Variants in CMSS1 observed in about 807,000 individuals in gnomAD.
CMSS1 encodes the protein cms1 ribosomal small subunit homolog, also known as protein CMSS1.
In CMSS1, 33 loss-of-function variants were observed where a neutral mutation model predicts 43.5. The ratio of observed to expected loss-of-function variants is 0.76; its 90% CI spans 0.57 to 1.01. The LOEUF (loss-of-function observed/expected upper bound fraction) is 1.01, where lower values mean the gene tolerates loss of function less well. Among genes scored for constraint, CMSS1 ranks in the 50% least tolerant of loss-of-function variants. CMSS1 has a pLI of 0.00. For missense variants in CMSS1, 313 were observed against 326.4 expected (o/e 0.96, Z 0.32); for synonymous variants, 115 against 117.2 (o/e 0.98, Z 0.12).
intron 1 of CMSS1, among the ~76,000 whole-genome samples, chr3:99,829,518 T>G (rs1411746296): frequency 6.6e-6 from 1 of 152,236 alleles, no homozygotes; most frequent in Non-Finnish European, 1.5e-5. Flanking sequence ...AGGAATTATT[T>G]CACTTTCCTG....
At chr3:100,165,374 A>G (rs1345511725) in intron 4 of CMSS1, among the ~76,000 whole-genome samples, 1 of 152,092 alleles carries the variant, frequency 6.6e-6, no homozygotes, top group Non-Finnish European at 1.5e-5. Context: ...ATTTTGAGAC[A>G]TTATTCTCAT....
At chr3:99,992,032 A>G (rs544959773) in intron 1 of CMSS1, among the ~76,000 whole-genome samples, 18 of 150,010 alleles carry the variant, frequency 1.2e-4, no homozygotes, top group African/African-American at 4.2e-4. Flanking sequence ...ATATACGTGT[A>G]TATATATATA....
chr3:100,155,751 AT>A (rs1447411362), intron 2 of CMSS1, among the ~76,000 whole-genome samples: 3 of 152,188 alleles, frequency 2.0e-5, no homozygotes, highest in African/African-American at 7.2e-5. Flanking sequence ...CTTACACTTG[AT>A]TGATACTTTG....
At chr3:99,965,174 C>T (rs1708612140) in intron 1 of CMSS1, among the ~76,000 whole-genome samples, 1 of 152,172 alleles carries the variant, frequency 6.6e-6, no homozygotes, top group Non-Finnish European at 1.5e-5. Flanking sequence ...CACTTAGTCC[C>T]CACTGTGAGA....
chr3:99,967,013 T>G (rs929370688), intron 1 of CMSS1, among the ~76,000 whole-genome samples: 1 of 152,158 alleles, frequency 6.6e-6, no homozygotes, highest in Non-Finnish European at 1.5e-5. Context: ...CATTCTCTTT[T>G]GGATCCCTAT....
intron 1 of CMSS1, among the ~76,000 whole-genome samples, chr3:99,856,954 T>C (rs1040320190): frequency 6.6e-6 from 1 of 152,210 alleles, no homozygotes; most frequent in African/African-American, 2.4e-5. Context: ...CTTTTGATTT[T>C]ATCTTATTTT....
In CMSS1 at chr3:99,952,387, T is replaced by G. The variant is rs530836095; in HGVS notation, c.64+134344T>G. Among the ~76,000 whole-genome samples, 3 of 152,282 alleles carry G rather than the reference T, an allele frequency of 2.0e-5. No homozygotes were observed. The South Asian group carries it at 6.2e-4, about 32-fold the overall frequency. Reference sequence around the variant, plus strand: ...AGCTGTTCTTCTGCCAGTCATTATGTCTGTTCAAGTTGAGGAAACAGAATA... The same window carrying G: ...AGCTGTTCTTCTGCCAGTCATTATGGCTGTTCAAGTTGAGGAAACAGAATA... On this transcript the variant is annotated intron_variant, in intron 1 of 9. Transcript: ENST00000421999.
chr3:100,003,219 A>AT (rs1408419468), intron 1 of CMSS1, among the ~76,000 whole-genome samples: 2 of 152,212 alleles, frequency 1.3e-5, no homozygotes, highest in African/African-American at 4.8e-5. Context: ...AGTGGACTTC[A>AT]TACCAATGAC....
At chr3:100,004,117 T>C (rs1709920756) in intron 1 of CMSS1, among the ~76,000 whole-genome samples, 1 of 152,196 alleles carries the variant, frequency 6.6e-6, no homozygotes, top group African/African-American at 2.4e-5. Context: ...AGTATTGGCT[T>C]CCTGCATGAT....
intron 1 of CMSS1, among the ~76,000 whole-genome samples, chr3:100,018,105 G>A (rs1710398145): frequency 6.6e-6 from 1 of 152,196 alleles, no homozygotes; most frequent in East Asian, 1.9e-4. Context: ...GAGGCGGGCA[G>A]ATCACCAGGT....
At chr3:99,842,620 A>G (rs1943186069) in intron 1 of CMSS1, among the ~76,000 whole-genome samples, 1 of 152,198 alleles carries the variant, frequency 6.6e-6, no homozygotes, top group South Asian at 2.1e-4. Context: ...CAGTTTTTCA[A>G]AATATTGCCT....
At chr3:100,155,436 A>G (rs2066962911) in intron 2 of CMSS1, among the ~76,000 whole-genome samples, 2 of 152,218 alleles carry the variant, frequency 1.3e-5, no homozygotes, top group African/African-American at 4.8e-5. Context: ...ATTCCCATGA[A>G]TAATATTTTC....
chr3:100,125,600 C>T (rs1416645579), intron 1 of CMSS1, among the ~76,000 whole-genome samples: 1 of 152,172 alleles, frequency 6.6e-6, no homozygotes, highest in African/African-American at 2.4e-5. Flanking sequence ...TGACATAACA[C>T]CTTAGCTGTG....
At chr3:99,958,773 G>A (rs1478555798) in intron 1 of CMSS1, among the ~76,000 whole-genome samples, 1 of 152,140 alleles carries the variant, frequency 6.6e-6, no homozygotes, top group Non-Finnish European at 1.5e-5. Context: ...GTTTTGGAGA[G>A]GCTGGTGATG....
rs1162576919 is a variant in CMSS1, at chr3:100,030,509, C to A, written c.65-116464C>A. Reference sequence around the variant, plus strand: ...TGCTCATTCTCATTCATGCATGTCTCATCTACTCTAGTCTTTTCTCAGAAC... The same window carrying A: ...TGCTCATTCTCATTCATGCATGTCTAATCTACTCTAGTCTTTTCTCAGAAC... On this transcript the variant is annotated intron_variant, in intron 1 of 9. Transcript: ENST00000421999. Among the ~76,000 whole-genome samples, 6 of 152,170 alleles carry A rather than the reference C, an allele frequency of 3.9e-5. No individual in the cohort carries two copies. In the East Asian group the frequency reaches 1.2e-3, roughly 29 times the overall value.
intron 1 of CMSS1, among the ~76,000 whole-genome samples, chr3:100,074,612 T>C (rs1278489765): frequency 4.6e-5 from 7 of 150,904 alleles, no homozygotes; most frequent in African/African-American, 1.7e-4. Context: ...AATACATCTT[T>C]CTGTTGAAGT....
At chr3:100,178,141 TA>T (rs1249745434) in intron 9 of CMSS1, among the ~76,000 whole-genome samples, 163 bp from the exon 10 acceptor site, 2 of 152,114 alleles carry the variant, frequency 1.3e-5, no homozygotes, top group East Asian at 3.8e-4. Flanking sequence ...ATAATAATTT[TA>T]AAAATTTCAA....
intron 1 of CMSS1, among the ~76,000 whole-genome samples, chr3:100,132,036 AATG>A (rs1188192714): frequency 6.6e-6 from 1 of 152,244 alleles, no homozygotes; most frequent in Non-Finnish European, 1.5e-5. Context: ...TGCAATGAAA[AATG>A]ATATATTTGA....
intron 1 of CMSS1, among the ~76,000 whole-genome samples, chr3:99,899,896 TGCTTAGAGTAGG>T (rs953995562): frequency 3.0e-4 from 45 of 152,336 alleles, no homozygotes; most frequent in African/African-American, 9.9e-4. Flanking sequence ...AAACTTTAAG[TGCTTAGAGTAGG>T]GCTTAACTAG....
Sources: gnomAD v4.1 joint callset for allele counts (sites outside exome capture counted in the v4.1 genomes callset) on GRCh38, gnomAD v4.1.1 for gene constraint, MANE v1.5 for transcripts, NCBI Gene and HGNC (gene_info 2026-07-23, HGNC 2026-07-21) for gene names.